The following CSGALNACT1 variants were observed in gnomAD, a reference collection of about 807,000 sequenced individuals.
CSGALNACT1 encodes the protein chondroitin sulfate N-acetylgalactosaminyltransferase 1, also known as beta4GalNAcT-1.
A neutral mutation model predicts 51.0 loss-of-function variants in CSGALNACT1; 52 were observed. The ratio of observed to expected loss-of-function variants is 1.02; its 90% CI spans 0.82 to 1.29. The LOEUF (loss-of-function observed/expected upper bound fraction) is 1.29. CSGALNACT1 is among the 50% of genes most tolerant of loss of function. The probability of loss-of-function intolerance (pLI) is 0.00; values close to 1 mark genes in which losing one functional copy is unlikely to be tolerated. For synonymous variants in CSGALNACT1, 341 were observed against 254.4 expected, an observed-to-expected ratio of 1.34 and a Z score of -3.24; for missense variants, 935 against 679.2, an observed-to-expected ratio of 1.38 and a Z score of -4.19.
chr8:19,404,947 TGACA>T, exon 10 of CSGALNACT1: 1 of 453,338 alleles, frequency 2.2e-6, no homozygotes, highest in Non-Finnish European at 4.4e-6. Flanking sequence ...TCTCAATGCC[TGACA>T]TTCAGTGCCT....
chr8:19,615,609 T>C (rs2052894114), intron 1 of CSGALNACT1, among the ~76,000 whole-genome samples: 1 of 152,158 alleles, frequency 6.6e-6, no homozygotes. Context: ...TTTTTCCAAC[T>C]GGAAAACATA....
At position 19,406,172 on chromosome 8, in the gene CSGALNACT1, AT is replaced by A. The variant is rs984826192; in HGVS notation, c.1310-104del. ...TTTCATTAAGACATGACTGGGGGGG[AT>A]GCGTGCTTCACCACCACCCCTCCAA... On this transcript the variant is annotated intron_variant, in intron 9 of 9. Transcript: ENST00000454498. 26 of 1,342,794 alleles carry A rather than the reference AT, an allele frequency of 1.9e-5. No homozygotes were observed. The Admixed American group carries it at 4.1e-4, about 21-fold the overall frequency. The allele number at this position is 1,342,794 out of a possible 1,614,324, so 83.2% of individuals were successfully genotyped here.
intron 1 of CSGALNACT1, among the ~76,000 whole-genome samples, chr8:19,660,519 A>C (rs931385096): frequency 6.6e-6 from 1 of 152,294 alleles, no homozygotes; most frequent in East Asian, 1.9e-4. Flanking sequence ...AGGAATACCA[A>C]TGCTTTGCCG....
chr8:19,704,459 C>T (rs1478960619), intron 1 of CSGALNACT1, among the ~76,000 whole-genome samples: 4 of 152,172 alleles, frequency 2.6e-5, no homozygotes, highest in Non-Finnish European at 5.9e-5. Context: ...AAAGGGAATC[C>T]ATATACATTG....
intron 8 of CSGALNACT1, among the ~76,000 whole-genome samples, chr8:19,414,834 G>T (rs2056558040): frequency 6.6e-6 from 1 of 152,168 alleles, no homozygotes; most frequent in Non-Finnish European, 1.5e-5. Flanking sequence ...ATTCCAAGAA[G>T]GCTATCAAGG....
upstream of CSGALNACT1, among the ~76,000 whole-genome samples, chr8:19,686,334 C>A (rs922997514): frequency 1.3e-5 from 2 of 152,198 alleles, no homozygotes; most frequent in Non-Finnish European, 2.9e-5. Context: ...ATAGAAAAAG[C>A]TCACTCTCAC....
At chr8:19,655,915 T>G (rs1369596646) in intron 1 of CSGALNACT1, among the ~76,000 whole-genome samples, 1 of 152,192 alleles carries the variant, frequency 6.6e-6, no homozygotes, top group Admixed American at 6.5e-5. Flanking sequence ...GTGCCACTAC[T>G]ATGCTAATTG....
intron 1 of CSGALNACT1, among the ~76,000 whole-genome samples, chr8:19,648,338 ACT>A (rs2057462941): frequency 6.6e-6 from 1 of 152,196 alleles, no homozygotes; most frequent in Non-Finnish European, 1.5e-5. Flanking sequence ...AAAAACAGGC[ACT>A]CTCATTCTCT....
chr8:19,449,598 G>C (rs1394197531), intron 5 of CSGALNACT1, among the ~76,000 whole-genome samples: 1 of 151,956 alleles, frequency 6.6e-6, no homozygotes, highest in Non-Finnish European at 1.5e-5. Flanking sequence ...ATGGTTCTAG[G>C]CCAAAAAAAT....
intron 1 of CSGALNACT1, among the ~76,000 whole-genome samples, chr8:19,617,801 T>C (rs1038394835): frequency 2.0e-5 from 3 of 152,246 alleles, no homozygotes; most frequent in Non-Finnish European, 2.9e-5. Flanking sequence ...TATGTTAACA[T>C]GTCATTTAAT....
chr8:19,492,778 T>C (rs1195840515), intron 4 of CSGALNACT1, among the ~76,000 whole-genome samples: 2 of 152,220 alleles, frequency 1.3e-5, no homozygotes, highest in East Asian at 3.9e-4. Flanking sequence ...TGATATCGTA[T>C]TTAAAACATT....
intron 3 of CSGALNACT1, among the ~76,000 whole-genome samples, chr8:19,578,425 T>C (rs1035666823): frequency 1.3e-5 from 2 of 152,196 alleles, no homozygotes; most frequent in Non-Finnish European, 2.9e-5. Context: ...AGACATTTAT[T>C]TTCCTATAGC....
chr8:19,669,658 G>GTTT (rs1314408965), intron 1 of CSGALNACT1, among the ~76,000 whole-genome samples: 6 of 152,006 alleles, frequency 3.9e-5, no homozygotes, highest in Admixed American at 1.3e-4. Context: ...TTTTTTAGTA[G>GTTT]AGATGGGGGT....
chr8:19,685,693 C>A (rs538973605), upstream of CSGALNACT1, among the ~76,000 whole-genome samples: 1 of 152,088 alleles, frequency 6.6e-6, no homozygotes, highest in African/African-American at 2.4e-5. Flanking sequence ...TGAGATGGAA[C>A]GATGGTCCCT....
chr8:19,502,047 T>C (rs1277345408), intron 4 of CSGALNACT1, among the ~76,000 whole-genome samples: 2 of 152,240 alleles, frequency 1.3e-5, no homozygotes, highest in African/African-American at 4.8e-5. Context: ...ATAGATAAAT[T>C]AGACATCTGT....
chr8:19,425,937 A>G (rs2058712920), intron 6 of CSGALNACT1, among the ~76,000 whole-genome samples: 1 of 151,906 alleles, frequency 6.6e-6, no homozygotes. Context: ...TACAGTGCGC[A>G]CTCTGAGCTC....
intron 1 of CSGALNACT1, among the ~76,000 whole-genome samples, chr8:19,735,205 T>C (rs1327926994): frequency 6.6e-6 from 1 of 151,998 alleles, no homozygotes; most frequent in Non-Finnish European, 1.5e-5. Context: ...GGGTGAAAAA[T>C]GAAAAAGAGG....
chr8:19,480,684 C>T (rs2071121802), intron 4 of CSGALNACT1, among the ~76,000 whole-genome samples: 1 of 152,230 alleles, frequency 6.6e-6, no homozygotes, highest in African/African-American at 2.4e-5. Context: ...ATTTCTAGTT[C>T]CCTGAGGTTC....
chr8:19,490,537 C>A (rs923190189), intron 4 of CSGALNACT1, among the ~76,000 whole-genome samples: 1 of 152,212 alleles, frequency 6.6e-6, no homozygotes, highest in African/African-American at 2.4e-5. Flanking sequence ...CTGGTTCCAC[C>A]AAACTCTTGC....
Sources: allele counts gnomAD v4.1 joint callset (sites outside exome capture counted in the v4.1 genomes callset), GRCh38; gene constraint gnomAD v4.1.1; transcripts MANE v1.5; gene names NCBI Gene and HGNC (gene_info 2026-07-23, HGNC 2026-07-21).